Variants in ERICH1 observed in about 807,000 individuals in gnomAD.
The protein encoded by ERICH1 is glutamate-rich protein 1.
A neutral mutation model predicts 39.6 loss-of-function variants in ERICH1; 56 were observed. That is an observed-to-expected ratio of 1.41 (90% CI 1.14 to 1.77). The LOEUF is 1.77. Ranked by LOEUF, ERICH1 falls within the 40% of genes most tolerant of loss-of-function variation. ERICH1 has a pLI of 0.00. For synonymous variants in ERICH1, 313 were observed against 223.6 expected, an observed-to-expected ratio of 1.40 and a Z score of -3.57; for missense variants, 826 against 575.4, an observed-to-expected ratio of 1.44 and a Z score of -4.45.
chr8:628,423 G>A (rs1797724305), intron 3 of ERICH1, among the ~76,000 whole-genome samples: 1 of 152,232 alleles, frequency 6.6e-6, no homozygotes. Context: ...GTGATGGAGA[G>A]CAGGGCCTCC....
intron 3 of ERICH1, among the ~76,000 whole-genome samples, chr8:630,112 C>T (rs1477325774): frequency 2.7e-3 from 219 of 80,468 alleles, no homozygotes; most frequent in African/African-American, 0.011. Flanking sequence ...CACACCCTCC[C>T]GTGAGCACCC....
intron 2 of ERICH1, among the ~76,000 whole-genome samples, chr8:700,211 GCA>G (rs1157222336): frequency 1.1e-5 from 1 of 90,010 alleles, no homozygotes; most frequent in Non-Finnish European, 2.2e-5. Context: ...CGGCACAGGC[GCA>G]CACACCCGCA....
rs139731216 is a variant in ERICH1 at position 708,681 on chromosome 8, G to GTTTTTT, written c.169+7174_169+7179dup. On this transcript the variant is annotated intron_variant, in intron 2 of 5. Transcript: ENST00000262109. Reference sequence around the variant, plus strand: ...GGGCTGAGTGGTTACGGGATAATGAGTTTTTTTTTTTTTTTTTTTTTTTTT... The same window carrying GTTTTTT: ...GGGCTGAGTGGTTACGGGATAATGAGTTTTTTTTTTTTTTTTTTTTTTTTTTTTTTT... 1.4e-3 allele frequency among the ~76,000 whole-genome samples: 89 copies of GTTTTTT among 65,742 alleles called. 7 individuals are homozygous for GTTTTTT. Among genetic ancestry groups the GTTTTTT allele is most frequent in the African/African-American group, 3.8e-3 (67 of 17,520 alleles). The allele number at this position is 65,742 out of a possible 152,430, so 43.1% of individuals were successfully genotyped here.
At position 673,580 on chromosome 8, in the gene ERICH1, G is replaced by A; in HGVS notation, c.772C>T (p.Pro258Ser). 6.5e-7 allele frequency: 1 copy of A among 1,548,254 alleles called. No individual in the cohort carries two copies. The highest frequency in any genetic ancestry group is 8.8e-7 in the Non-Finnish European group (1 of 1,131,020). Reference sequence around the variant, plus strand: ...ACGTCTTCCTCCCCGGCCGGTGTCGGATCTTCCTCACTGGCGTCCGCACCC... The same window carrying A: ...ACGTCTTCCTCCCCGGCCGGTGTCGAATCTTCCTCACTGGCGTCCGCACCC... ...EEGADASEED[P>S]TPAGEEDVKD... Residue 258 changes from proline (P) to serine (S), a missense_variant, in exon 4 of 6, where the codon CCG becomes TCG. Coordinates refer to ENST00000262109, the MANE Select transcript of ERICH1 (RefSeq NM_207332.3).
At chr8:692,953 C>A (rs930368317) in intron 2 of ERICH1, among the ~76,000 whole-genome samples, 2 of 152,150 alleles carry the variant, frequency 1.3e-5, no homozygotes, top group South Asian at 2.1e-4. Flanking sequence ...ACAGTTTGCA[C>A]GACACACCCT....
intron 2 of ERICH1, among the ~76,000 whole-genome samples, chr8:706,207 G>C (rs369954169): frequency 6.6e-6 from 1 of 152,200 alleles, no homozygotes; most frequent in African/African-American, 2.4e-5. Flanking sequence ...CCGTTGTTAA[G>C]TGATGTGTGA....
chr8:682,391 T>C (rs997111652), intron 3 of ERICH1, among the ~76,000 whole-genome samples: 1 of 152,220 alleles, frequency 6.6e-6, no homozygotes, highest in Non-Finnish European at 1.5e-5. Context: ...GCCCTGAGCA[T>C]GTGCTCTATG....
At chr8:682,277 T>C (rs1806307333) in intron 3 of ERICH1, among the ~76,000 whole-genome samples, 1 of 152,160 alleles carries the variant, frequency 6.6e-6, no homozygotes, top group Non-Finnish European at 1.5e-5. Flanking sequence ...CATTCTCAGC[T>C]TTAGTGAGGA....
intron 3 of ERICH1, among the ~76,000 whole-genome samples, chr8:627,949 G>A (rs1022038104): frequency 1.3e-5 from 2 of 152,148 alleles, no homozygotes; most frequent in African/African-American, 4.8e-5. Flanking sequence ...GGCCGGGGGG[G>A]CCTGGAACGT....
intron 1 of ERICH1, among the ~76,000 whole-genome samples, chr8:720,639 C>T (rs138129149): frequency 5.9e-5 from 9 of 152,162 alleles, no homozygotes; most frequent in Non-Finnish European, 1.0e-4. Flanking sequence ...TTTACAGCCA[C>T]GGGAAAGACA....
intron 1 of ERICH1, among the ~76,000 whole-genome samples, chr8:719,953 C>A (rs1816913218): frequency 6.6e-6 from 1 of 152,018 alleles, no homozygotes; most frequent in African/African-American, 2.4e-5. Context: ...CATGAGCACA[C>A]AAGGCCCTAC....
chr8:644,086 A>C (rs1799327127), intron 3 of ERICH1, among the ~76,000 whole-genome samples: 1 of 152,182 alleles, frequency 6.6e-6, no homozygotes, highest in Non-Finnish European at 1.5e-5. Flanking sequence ...AAATCGGGGA[A>C]GGTGTCTGCT....
intron 1 of ERICH1, among the ~76,000 whole-genome samples, chr8:727,005 C>T (rs1014796356): frequency 3.3e-5 from 5 of 149,676 alleles, no homozygotes; most frequent in Non-Finnish European, 7.4e-5. Flanking sequence ...GCACACCACA[C>T]AGGCACACAC....
rs113970632 is a variant in ERICH1 at position 692,553 on chromosome 8, C to G, written c.229G>C (p.Gly77Arg). Residue 77 changes from glycine (G) to arginine (R), a missense_variant, in exon 3 of 6, where the codon GGC (glycine) becomes CGC (arginine). Transcript: ENST00000262109. The part of the protein sequence containing the change: ...RLYTASGPPE[G>R]YVPCWPEPSS... ...GGCTCCGGCCAACAGGGGACGTAGC[C>G]CTCAGGAGGCCCGCTGGCAGTGTAG... 2.5e-6 allele frequency: 4 copies of G among 1,613,374 alleles called. No individual in the cohort carries two copies. Among genetic ancestry groups the G allele is most frequent in the Non-Finnish European group, 2.5e-6 (3 of 1,179,746 alleles).
At chr8:705,325 G>A (rs1011256027) in intron 2 of ERICH1, among the ~76,000 whole-genome samples, 4 of 152,234 alleles carry the variant, frequency 2.6e-5, no homozygotes, top group Non-Finnish European at 4.4e-5. Context: ...GACACTGCGC[G>A]ATGGCCCGTG....
intron 3 of ERICH1, among the ~76,000 whole-genome samples, chr8:686,062 A>C (rs1304796488): frequency 1.3e-5 from 2 of 151,222 alleles, no homozygotes; most frequent in African/African-American, 2.4e-5. Context: ...CGGGAGGCTG[A>C]GGCAGGAGGG....
chr8:713,448 A>C (rs1454732263), intron 2 of ERICH1, among the ~76,000 whole-genome samples: 1 of 152,238 alleles, frequency 6.6e-6, no homozygotes, highest in Non-Finnish European at 1.5e-5. Context: ...TGTAGAAAAG[A>C]ACATGGAATA....
chr8:692,331 AC>A, intron 3 of ERICH1, 146 bp downstream of exon 3: 1 of 1,172,974 alleles, frequency 8.5e-7, no homozygotes, highest in African/African-American at 1.6e-5. Context: ...ATACAAAGGT[AC>A]ACCATGTGGT....
At chr8:701,596 C>G (rs1294103551) in intron 2 of ERICH1, among the ~76,000 whole-genome samples, 9 of 152,216 alleles carry the variant, frequency 5.9e-5, no homozygotes, top group Non-Finnish European at 1.3e-4. Context: ...AGAGTCGGAC[C>G]ACCACCTCAC....
Sources: gnomAD v4.1 joint callset for allele counts (sites outside exome capture counted in the v4.1 genomes callset) on GRCh38, gnomAD v4.1.1 for gene constraint, MANE v1.5 for transcripts, NCBI Gene and HGNC (gene_info 2026-07-23, HGNC 2026-07-21) for gene names.